The following CADPS variants were observed in gnomAD, a reference collection of about 807,000 sequenced individuals.
CADPS encodes calcium-dependent secretion activator 1.
Under a neutral mutation model 167.3 loss-of-function variants are expected in CADPS, and 57 were observed. The ratio of observed to expected loss-of-function variants is 0.34; its 90% CI spans 0.28 to 0.42. CADPS has a LOEUF of 0.42. CADPS is among the 20% of genes least tolerant of loss of function. The pLI is 1.00. For missense variants in CADPS, 1,414 were observed against 1,738.1 expected, an observed-to-expected ratio of 0.81 and a Z score of 3.32; for synonymous variants, 676 against 635.3, an observed-to-expected ratio of 1.06 and a Z score of -0.96.
At chr3:62,843,490 G>A (rs1274334153) in intron 1 of CADPS, among the ~76,000 whole-genome samples, 1 of 119,772 alleles carries the variant, frequency 8.3e-6, no homozygotes, top group African/African-American at 3.0e-5. Flanking sequence ...GATGGCAGTT[G>A]GGGTGTGTGT....
intron 28 of CADPS, among the ~76,000 whole-genome samples, chr3:62,419,993 A>G (rs998151511): frequency 6.6e-6 from 1 of 152,124 alleles, no homozygotes; most frequent in Non-Finnish European, 1.5e-5. Context: ...GGAAAATTCA[A>G]ATTGACTTTA....
At chr3:62,761,818 C>T (rs1451900727) in intron 2 of CADPS, among the ~76,000 whole-genome samples, 1 of 152,098 alleles carries the variant, frequency 6.6e-6, no homozygotes, top group Non-Finnish European at 1.5e-5. Context: ...GTGTGAGAAC[C>T]AGACAGAATT....
At chr3:62,822,284 T>A (rs566887498) in intron 1 of CADPS, among the ~76,000 whole-genome samples, 41 of 152,326 alleles carry the variant, frequency 2.7e-4, no homozygotes, top group African/African-American at 9.6e-4. Flanking sequence ...GCCTACCACA[T>A]CACCCTTGAT....
intron 6 of CADPS, among the ~76,000 whole-genome samples, chr3:62,600,769 G>A (rs2059841278): frequency 2.6e-5 from 4 of 152,216 alleles, no homozygotes. Context: ...TATAACGTGT[G>A]AGAGTGTCTC....
intron 1 of CADPS, among the ~76,000 whole-genome samples, chr3:62,835,999 T>G (rs2075833873): frequency 6.6e-6 from 1 of 152,230 alleles, no homozygotes; most frequent in African/African-American, 2.4e-5. Context: ...TTAGGCATAT[T>G]GCCCAAGTGA....
At chr3:62,496,247 C>T (rs1323925420) in intron 18 of CADPS, among the ~76,000 whole-genome samples, 1 of 152,076 alleles carries the variant, frequency 6.6e-6, no homozygotes, top group Non-Finnish European at 1.5e-5. Context: ...TGGTTGTACA[C>T]TGGAATCACC....
Position 62,825,508 on chromosome 3 carries a change from A to G in CADPS, c.441+49081T>C, listed in dbSNP as rs563753455. 1.8e-4 allele frequency among the ~76,000 whole-genome samples: 28 copies of G among 152,144 alleles called. 1 individual carries two copies. Among genetic ancestry groups the G allele is most frequent in the African/African-American group, 6.0e-4 (25 of 41,514 alleles). On this transcript the variant is annotated intron_variant, in intron 1 of 29. Transcript: ENST00000383710. Reference sequence around the variant, plus strand: ...TTCCAATGCATGCTCAAGTTTGAAAACCACCGTCTTCTATCAGGTAAACCT... The same window carrying G: ...TTCCAATGCATGCTCAAGTTTGAAAGCCACCGTCTTCTATCAGGTAAACCT...
chr3:62,437,044 C>A (rs1399071009), intron 28 of CADPS, among the ~76,000 whole-genome samples: 4 of 150,786 alleles, frequency 2.7e-5, no homozygotes, highest in African/African-American at 7.4e-5. Flanking sequence ...AATTGCTGAA[C>A]ACAATCACAG....
intron 1 of CADPS, among the ~76,000 whole-genome samples, chr3:62,778,075 T>A (rs990022592): frequency 1.3e-5 from 2 of 152,234 alleles, no homozygotes; most frequent in East Asian, 3.8e-4. Context: ...AGTGATTTAA[T>A]GACTCTTGCT....
At chr3:62,627,551 A>C (rs1268905906) in intron 6 of CADPS, among the ~76,000 whole-genome samples, 1 of 152,174 alleles carries the variant, frequency 6.6e-6, no homozygotes, top group African/African-American at 2.4e-5. Context: ...AGAAATAACT[A>C]CACAGACTAA....
At chr3:62,854,640 T>C (rs1354612869) in intron 1 of CADPS, among the ~76,000 whole-genome samples, 2 of 152,230 alleles carry the variant, frequency 1.3e-5, no homozygotes, top group African/African-American at 4.8e-5. Context: ...AAAGATTGCA[T>C]GTTATCTTCT....
intron 1 of CADPS, among the ~76,000 whole-genome samples, chr3:62,798,892 T>C (rs184199039): frequency 6.6e-6 from 1 of 152,314 alleles, no homozygotes; most frequent in East Asian, 1.9e-4. Context: ...ATGACCTGTA[T>C]TGGCTCTTAA....
chr3:62,577,005 G>A lies in CADPS; in HGVS notation c.1578-6067C>T, dbSNP rs142156341. Among the ~76,000 whole-genome samples, 1,223 of 151,848 alleles carry A rather than the reference G, an allele frequency of 8.1e-3. 10 individuals are homozygous for A. The highest frequency in any genetic ancestry group is 0.036 in the South Asian group (171 of 4,796). On this transcript the variant is annotated intron_variant, in intron 8 of 29. Transcript: ENST00000383710. ...GACATCTCTGTTATTCACTGGGGAC[G>A]TTTTAGTTATATGAGAGACCAGAGT... is the stretch of plus-strand genomic sequence containing the variant.
intron 1 of CADPS, among the ~76,000 whole-genome samples, chr3:62,852,206 TG>T (rs1411154058): frequency 6.6e-6 from 1 of 151,288 alleles, no homozygotes; most frequent in Non-Finnish European, 1.5e-5. Context: ...TCAACTTCTT[TG>T]CCTTTGATTT....
At chr3:62,450,849 T>C (rs1466869349) in intron 26 of CADPS, among the ~76,000 whole-genome samples, 1 of 152,170 alleles carries the variant, frequency 6.6e-6, no homozygotes, top group Non-Finnish European at 1.5e-5. Context: ...GGGGATCCTA[T>C]TAATATTCCC....
At chr3:62,769,304 T>C (rs1408434824) in intron 1 of CADPS, among the ~76,000 whole-genome samples, 1 of 151,338 alleles carries the variant, frequency 6.6e-6, no homozygotes, top group Non-Finnish European at 1.5e-5. Flanking sequence ...TGATCTCGGC[T>C]CACTGCAACC....
chr3:62,484,054 TA>T (rs913774444), intron 21 of CADPS, among the ~76,000 whole-genome samples: 52 of 151,854 alleles, frequency 3.4e-4, no homozygotes, highest in African/African-American at 1.1e-3. Context: ...CACACAAAAA[TA>T]AAAAAAATAC....
In CADPS at chr3:62,455,852, C is replaced by T. The variant is rs895072568; in HGVS notation, c.3636+9515G>A. Among the ~76,000 whole-genome samples the T allele has an allele frequency of 3.3e-5, 5 of 152,140 alleles. No homozygotes were observed. Among genetic ancestry groups the T allele is most frequent in the Non-Finnish European group, 4.4e-5 (3 of 68,030 alleles). On this transcript the variant is annotated intron_variant, in intron 26 of 29. Transcript: ENST00000383710. The surrounding 1 kb of genome is among the most constrained non-coding windows in gnomAD (Gnocchi z 4.4). ...GTTACTGAATAGTAATGCTTCTGCACGAAGGGGTCACTTGTGACCTCTGGT... is the reference window on the plus strand; with the variant it reads ...GTTACTGAATAGTAATGCTTCTGCATGAAGGGGTCACTTGTGACCTCTGGT...
chr3:62,560,079 G>A (rs2078886991), intron 9 of CADPS, among the ~76,000 whole-genome samples: 1 of 151,294 alleles, frequency 6.6e-6, no homozygotes, highest in South Asian at 2.1e-4. Context: ...TCCACAAACT[G>A]AATTGCTTTG....
Sources: allele counts gnomAD v4.1 joint callset (sites outside exome capture counted in the v4.1 genomes callset), GRCh38; gene constraint gnomAD v4.1.1; non-coding constraint Gnocchi (gnomAD v3.1); transcripts MANE v1.5; gene names NCBI Gene and HGNC (gene_info 2026-07-23, HGNC 2026-07-21).